Variants in TCF7L1 observed in about 807,000 individuals in gnomAD.
TCF7L1 encodes transcription factor 7 like 1.
Under a neutral mutation model 63.7 loss-of-function variants are expected in TCF7L1, and 18 were observed. That is an observed-to-expected ratio of 0.28 (90% confidence interval 0.20 to 0.42). TCF7L1 has a LOEUF of 0.42. Among genes scored for constraint, TCF7L1 ranks in the 10% least tolerant of loss-of-function variants. The probability of loss-of-function intolerance (pLI) is 1.00; values close to 1 mark genes in which losing one functional copy is unlikely to be tolerated. For synonymous variants in TCF7L1, 355 were observed against 340.9 expected (o/e 1.04, Z -0.46); for missense variants, 654 against 779.3 (o/e 0.84, Z 1.91).
At chr2:85,287,163 G>A (rs998572616) in intron 4 of TCF7L1, among the ~76,000 whole-genome samples, 10 of 151,992 alleles carry the variant, frequency 6.6e-5, no homozygotes, top group African/African-American at 1.9e-4. Context: ...AGTCACCATC[G>A]AATAACTAAC....
chr2:85,251,036 T>C (rs1337490780), intron 3 of TCF7L1, among the ~76,000 whole-genome samples: 1 of 152,208 alleles, frequency 6.6e-6, no homozygotes, highest in African/African-American at 2.4e-5. Flanking sequence ...CCTGAGAACA[T>C]GGCCTGAGGC....
intron 3 of TCF7L1, among the ~76,000 whole-genome samples, chr2:85,190,414 C>G (rs1296071110): frequency 6.6e-6 from 1 of 152,140 alleles, no homozygotes; most frequent in Non-Finnish European, 1.5e-5. Flanking sequence ...GAGTAAGGAG[C>G]ACCATAGGCC....
At chr2:85,168,854 C>T (rs1678481706) in intron 3 of TCF7L1, among the ~76,000 whole-genome samples, 1 of 152,164 alleles carries the variant, frequency 6.6e-6, no homozygotes, top group African/African-American at 2.4e-5. Context: ...CTCCTGACCT[C>T]ATGTGATCCA....
At chr2:85,186,383 T>C (rs1678925476) in intron 3 of TCF7L1, 1 of 152,232 alleles carries the variant, frequency 6.6e-6, no homozygotes, top group African/African-American at 2.4e-5. Flanking sequence ...GCGCTTCCTC[T>C]GAACACATCC....
At chr2:85,308,755 C>A (rs1255214629) in intron 11 of TCF7L1, among the ~76,000 whole-genome samples, 1 of 152,140 alleles carries the variant, frequency 6.6e-6, no homozygotes, top group African/African-American at 2.4e-5. Flanking sequence ...AAGTTACCAG[C>A]TTTAGGAAAG....
At chr2:85,182,468 C>G (rs1678826758) in intron 3 of TCF7L1, among the ~76,000 whole-genome samples, 1 of 152,146 alleles carries the variant, frequency 6.6e-6, no homozygotes, top group Non-Finnish European at 1.5e-5. Context: ...TGTAGCATAC[C>G]AGCCAGACTG....
intron 3 of TCF7L1, among the ~76,000 whole-genome samples, chr2:85,195,505 CTTGCTTGCTTT>C (rs1428555270): frequency 6.6e-6 from 1 of 152,120 alleles, no homozygotes; most frequent in South Asian, 2.1e-4. Context: ...GATTTTCTTG[CTTGCTTGCTTT>C]TTGCTTGCTT....
chr2:85,169,992 T>G (rs1253293693), intron 3 of TCF7L1, among the ~76,000 whole-genome samples: 3 of 152,252 alleles, frequency 2.0e-5, no homozygotes, highest in Non-Finnish European at 4.4e-5. Flanking sequence ...CAACAATACT[T>G]TCTTGTTACT....
intron 11 of TCF7L1, among the ~76,000 whole-genome samples, chr2:85,308,803 C>T (rs1417031899): frequency 6.6e-6 from 1 of 152,146 alleles, no homozygotes; most frequent in African/African-American, 2.4e-5. Context: ...GTCTTCTCTC[C>T]GATCTGATGC....
chr2:85,201,961 ATTTATTTT>A, intron 3 of TCF7L1, among the ~76,000 whole-genome samples: 2 of 83,122 alleles, frequency 2.4e-5, no homozygotes, highest in Admixed American at 2.2e-4. Context: ...TTATTTATTT[ATTTATTTT>A]ATTTTATTTT....
chr2:85,161,246 C>T (rs1197346796), intron 3 of TCF7L1, among the ~76,000 whole-genome samples: 1 of 152,122 alleles, frequency 6.6e-6, no homozygotes, highest in African/African-American at 2.4e-5. Context: ...TTCAGGTTCT[C>T]TAGTGGTTTG....
intron 3 of TCF7L1, among the ~76,000 whole-genome samples, chr2:85,172,540 C>A (rs1678571300): frequency 6.6e-6 from 1 of 152,202 alleles, no homozygotes; most frequent in South Asian, 2.1e-4. Flanking sequence ...GATTCTCCTG[C>A]CTCAGCCTCC....
intron 10 of TCF7L1, among the ~76,000 whole-genome samples, chr2:85,307,269 T>C (rs59059406): frequency 0.16 from 24,274 of 152,138 alleles, 2,684 homozygotes; most frequent in African/African-American, 0.32. Context: ...TCTTCTTTGC[T>C]TTTTTTCTGG....
At chr2:85,203,359 A>C (rs1679321997) in intron 3 of TCF7L1, among the ~76,000 whole-genome samples, 1 of 152,208 alleles carries the variant, frequency 6.6e-6, no homozygotes, top group Admixed American at 6.5e-5. Flanking sequence ...GTAGATAACC[A>C]AGATTAGTTG....
Position 85,274,466 on chromosome 2 carries a change from A to G in TCF7L1, c.442-9029A>G, listed in dbSNP as rs182061832. ...CTAGCCAAGTGTCCGGCTCTCCATC[A>G]AGACCTCAAGCAGGCCCACGTCAGC... On this transcript the variant is annotated intron_variant, in intron 3 of 11. Transcript: ENST00000282111. 1.7e-3 allele frequency among the ~76,000 whole-genome samples: 266 copies of G among 152,196 alleles called. 2 individuals carry two copies. Among genetic ancestry groups the G allele is most frequent in the African/African-American group, 6.2e-3 (257 of 41,530 alleles).
At chr2:85,308,862 G>A (rs1483540882) in intron 11 of TCF7L1, among the ~76,000 whole-genome samples, 167 bp from the exon 12 acceptor site, 1 of 152,062 alleles carries the variant, frequency 6.6e-6, no homozygotes, top group Non-Finnish European at 1.5e-5. Flanking sequence ...TGTGCTCTGG[G>A]TATTTGTGAA....
chr2:85,248,478 G>A lies in TCF7L1; in HGVS notation c.442-35017G>A, dbSNP rs144207993. Among the ~76,000 whole-genome samples, 383 of 152,266 alleles carry A rather than the reference G, an allele frequency of 2.5e-3. 1 individual carries two copies. The highest frequency in any genetic ancestry group is 3.7e-3 in the Non-Finnish European group (249 of 68,028). On this transcript the variant is annotated intron_variant, in intron 3 of 11. Transcript: ENST00000282111. ...TACAACCCAGTCTCCAAACTAGAGC[G>A]GACAGGCCCCCAGGAGGCTGTTTCC...
chr2:85,177,820 T>C (rs1267915837), intron 3 of TCF7L1, among the ~76,000 whole-genome samples: 1 of 152,244 alleles, frequency 6.6e-6, no homozygotes, highest in Non-Finnish European at 1.5e-5. Context: ...ATTCATATTT[T>C]ATATAGTTAA....
At chr2:85,160,478 G>A (rs751035665) in intron 3 of TCF7L1, among the ~76,000 whole-genome samples, 1 of 152,168 alleles carries the variant, frequency 6.6e-6, no homozygotes, top group Non-Finnish European at 1.5e-5. Flanking sequence ...GCCCACCTCA[G>A]CCTCCCAAAG....
Sources: gnomAD v4.1 joint callset for allele counts (sites outside exome capture counted in the v4.1 genomes callset) on GRCh38, gnomAD v4.1.1 for gene constraint, MANE v1.5 for transcripts, NCBI Gene and HGNC (gene_info 2026-07-23, HGNC 2026-07-21) for gene names.